The following GAN variants were observed in gnomAD, a reference collection of about 807,000 sequenced individuals.
GAN encodes gigaxonin.
Under a neutral mutation model 71.3 loss-of-function variants are expected in GAN, and 48 were observed. The ratio of observed to expected loss-of-function variants is 0.67; its 90% CI spans 0.53 to 0.86. The LOEUF is 0.86. GAN is among the 40% of genes least tolerant of loss of function. The pLI, the probability that GAN is intolerant of heterozygous loss-of-function variation, is 0.00. For missense variants in GAN, 928 were observed against 770.1 expected (o/e 1.21, Z -2.43); for synonymous variants, 386 against 276.8 (o/e 1.39, Z -3.92).
chr16:81,346,486 G>A (rs1910122782), intron 1 of GAN, among the ~76,000 whole-genome samples: 1 of 152,176 alleles, frequency 6.6e-6, no homozygotes, highest in African/African-American at 2.4e-5. Flanking sequence ...CAGATCAGTG[G>A]TGGCATTAGA....
intron 9 of GAN, among the ~76,000 whole-genome samples, chr16:81,375,185 G>C (rs144478153): frequency 7.3e-5 from 11 of 151,488 alleles, no homozygotes; most frequent in Non-Finnish European, 1.5e-4. Flanking sequence ...CTACATGCTG[G>C]GAAAAAATAT....
At chr16:81,327,987 A>G (rs1909444592) in intron 1 of GAN, among the ~76,000 whole-genome samples, 1 of 152,226 alleles carries the variant, frequency 6.6e-6, no homozygotes, top group African/African-American at 2.4e-5. Flanking sequence ...AGAACAAGGA[A>G]TCAGACTTGT....
In GAN at chr16:81,363,940, A is replaced by G. The variant is rs1431472651; in HGVS notation, c.1233A>G (p.Arg411=). The G allele has an allele frequency of 1.9e-6, 3 of 1,612,258 alleles. No individual in the cohort carries two copies. Among genetic ancestry groups the G allele is most frequent in the Non-Finnish European group, 1.7e-6 (2 of 1,178,280 alleles). ...AGCAACCTGATTTGACCATGGTCAG[A>G]AAGGTGAGGACTGCATTTTGTGATA... is the stretch of plus-strand genomic sequence containing the variant. ...WTKQPDLTMV[R]KIGCYAAMKK... Residue 411 remains arginine, a synonymous_variant, in exon 7 of 11, where the codon AGA becomes AGG. Coordinates refer to ENST00000648994, the MANE Select transcript of GAN (RefSeq NM_022041.4).
intron 1 of GAN, among the ~76,000 whole-genome samples, chr16:81,316,340 C>T (rs1909039346): frequency 2.2e-5 from 2 of 91,586 alleles, no homozygotes; most frequent in Non-Finnish European, 4.3e-5. Context: ...CCAGCAAAAC[C>T]ACCACGCACG....
intron 9 of GAN, among the ~76,000 whole-genome samples, chr16:81,369,554 C>G (rs1432110502): frequency 6.6e-6 from 1 of 152,186 alleles, no homozygotes; most frequent in East Asian, 1.9e-4. Context: ...TTACTCTTTT[C>G]TAGCTTCTTT....
chr16:81,367,490 C>G (rs1298052086), intron 9 of GAN, among the ~76,000 whole-genome samples: 3 of 152,146 alleles, frequency 2.0e-5, no homozygotes, highest in Non-Finnish European at 4.4e-5. Flanking sequence ...GATTGTGTCA[C>G]TGCACTCCAG....
intron 9 of GAN, among the ~76,000 whole-genome samples, chr16:81,367,234 C>T (rs572096954): frequency 1.8e-4 from 27 of 152,218 alleles, no homozygotes; most frequent in African/African-American, 6.5e-4. Context: ...TGTTTAAAAG[C>T]ACTTCTCGCC....
intron 1 of GAN, among the ~76,000 whole-genome samples, chr16:81,336,881 C>G (rs1055471478): frequency 6.6e-6 from 1 of 152,134 alleles, no homozygotes; most frequent in East Asian, 1.9e-4. Flanking sequence ...CCCCCATTAT[C>G]AGTATACCAC....
intron 1 of GAN, among the ~76,000 whole-genome samples, chr16:81,317,196 A>C (rs1909072896): frequency 6.6e-6 from 1 of 152,212 alleles, no homozygotes; most frequent in Non-Finnish European, 1.5e-5. Flanking sequence ...TTGCACCCAG[A>C]AAGAACTGTG....
rs371244045 is a variant in GAN, at chr16:81,353,156, T to C, written c.283-1249T>C. Among the ~76,000 whole-genome samples the C allele has an allele frequency of 5.9e-4, 90 of 151,914 alleles. No individual in the cohort carries two copies. The East Asian group carries it at 0.013, about 22-fold the overall frequency. On this transcript the variant is annotated intron_variant, in intron 2 of 10. Coordinates refer to ENST00000648994, the MANE Select transcript of GAN (RefSeq NM_022041.4). ...AATACAAAAAATTAGCCGGGCGAGG[T>C]GGCGGGCGCCTGTAGTCCCGGCTAC...
chr16:81,352,323 G>A (rs764901240), intron 2 of GAN, among the ~76,000 whole-genome samples: 2 of 152,224 alleles, frequency 1.3e-5, no homozygotes, highest in East Asian at 1.9e-4. Context: ...AATGATAAAC[G>A]ATCAGACTTC....
At chr16:81,336,992 G>GGACAAATGTGTTTGGACA (rs1909785523) in intron 1 of GAN, among the ~76,000 whole-genome samples, 2 of 152,004 alleles carry the variant, frequency 1.3e-5, no homozygotes, top group Non-Finnish European at 2.9e-5. Context: ...TTGGTGGTGT[G>GGACAAATGTGTTTGGACA]CCTTCTATGG....
intron 3 of GAN, 60 bp downstream of exon 3, chr16:81,354,815 T>C: frequency 2.1e-6 from 2 of 972,172 alleles, no homozygotes; most frequent in Non-Finnish European, 3.3e-6. Flanking sequence ...ATTCAAATTT[T>C]AGTTGTTTTA....
intron 1 of GAN, among the ~76,000 whole-genome samples, chr16:81,321,468 T>C (rs992541244): frequency 2.0e-5 from 3 of 152,202 alleles, no homozygotes; most frequent in African/African-American, 7.2e-5. Flanking sequence ...TTATATAATT[T>C]AGGATTGAAG....
rs760624083 is a variant in GAN, at chr16:81,315,266, C to G, written c.153C>G (p.Ala51=). Residue 51 remains alanine, a synonymous_variant, in exon 1 of 11, where the codon GCC becomes GCG. Coordinates refer to ENST00000648994, the MANE Select transcript of GAN (RefSeq NM_022041.4). The stretch of plus-strand genomic sequence containing the variant: ...TGCAGAAGAACATCCTGGCGGCGGC[C>G]AGCCCGTACATCAGGTGGGGAGGGG... ...IPVQKNILAA[A]SPYIRTKLNY... is the part of the protein sequence containing the mutation. The G allele has an allele frequency of 2.6e-6, 4 of 1,565,710 alleles. No homozygotes were observed. In the African/African-American group the frequency reaches 5.7e-5, roughly 22 times the overall value.
intron 1 of GAN, among the ~76,000 whole-genome samples, chr16:81,346,615 TC>T (rs1335854545): frequency 4.6e-5 from 7 of 152,282 alleles, no homozygotes; most frequent in Admixed American, 1.3e-4. Context: ...CCTGAAACCA[TC>T]CCCACAACTC....
Position 81,323,027 on chromosome 16 carries a change from C to T in GAN, c.167+7747C>T, listed in dbSNP as rs538205619. ...CGTGTTTGCCATTCTCCTCTCCATGCTACAGCCCCCAGTCTACTTCAGTGA... is the reference window on the plus strand; with the variant it reads ...CGTGTTTGCCATTCTCCTCTCCATGTTACAGCCCCCAGTCTACTTCAGTGA... On this transcript the variant is annotated intron_variant, in intron 1 of 10. Transcript: ENST00000648994. Among the ~76,000 whole-genome samples, 123 of 152,326 alleles carry T rather than the reference C, an allele frequency of 8.1e-4. 1 individual carries two copies. The highest frequency in any genetic ancestry group is 2.6e-3 in the African/African-American group (108 of 41,564).
chr16:81,370,119 G>C (rs1910991266), intron 9 of GAN, among the ~76,000 whole-genome samples: 1 of 152,158 alleles, frequency 6.6e-6, no homozygotes, highest in South Asian at 2.1e-4. Flanking sequence ...CCACAGCCTT[G>C]CCTCAGGGCT....
rs76699982 is a variant in GAN, at chr16:81,362,870, C to T, written c.1086+259C>T. On this transcript the variant is annotated intron_variant, in intron 6 of 10. Coordinates refer to ENST00000648994, the MANE Select transcript of GAN (RefSeq NM_022041.4). ...TTATCCTGCCCTGTGCAGATGCCAGCGTGGCCTGCCCCCTCCTCGCAGCAC... is the reference window on the plus strand; with the variant it reads ...TTATCCTGCCCTGTGCAGATGCCAGTGTGGCCTGCCCCCTCCTCGCAGCAC... 7.6e-3 allele frequency among the ~76,000 whole-genome samples: 1,157 copies of T among 152,302 alleles called. 21 individuals carry two copies. The highest frequency in any genetic ancestry group is 0.026 in the African/African-American group (1,096 of 41,554).
Sources: gnomAD v4.1 joint callset for allele counts (sites outside exome capture counted in the v4.1 genomes callset) on GRCh38, gnomAD v4.1.1 for gene constraint, MANE v1.5 for transcripts, NCBI Gene and HGNC (gene_info 2026-07-23, HGNC 2026-07-21) for gene names.